Variants in TUBGCP6 observed in about 807,000 individuals in gnomAD.
The protein encoded by TUBGCP6 is gamma-tubulin complex component 6.
A neutral mutation model predicts 175.8 loss-of-function variants in TUBGCP6; 161 were observed. The ratio of observed to expected loss-of-function variants is 0.92; its 90% CI spans 0.81 to 1.04. The LOEUF is 1.04. TUBGCP6 is among the 50% of genes least tolerant of loss of function. The pLI, the probability that TUBGCP6 is intolerant of heterozygous loss-of-function variation, is 0.00. For missense variants in TUBGCP6, 2,572 were observed against 2,433.0 expected, an observed-to-expected ratio of 1.06 and a Z score of -1.20; for synonymous variants, 1,173 against 1,030.5, an observed-to-expected ratio of 1.14 and a Z score of -2.65.
intron 20 of TUBGCP6, 22 bp from the exon 21 acceptor site, chr22:50,218,919 GTCCCCA>G: frequency 8.1e-6 from 13 of 1,597,614 alleles, no homozygotes; most frequent in Non-Finnish European, 1.1e-5. Context: ...AGGGACCACC[GTCCCCA>G]GGAGTCCCAA....
rs556171182 is a variant in TUBGCP6 at position 50,231,779 on chromosome 22, G to C, written c.1116+1537C>G. Reference sequence around the variant, plus strand: ...GGAGGCTGAGGCAGGAGAATGGTGTGAACCCGGGAGGCGGAGCTTGGAGTG... The same window carrying C: ...GGAGGCTGAGGCAGGAGAATGGTGTCAACCCGGGAGGCGGAGCTTGGAGTG... On this transcript the variant is annotated intron_variant, in intron 3 of 24. Transcript: ENST00000248846. Among the ~76,000 whole-genome samples the C allele has an allele frequency of 3.3e-3, 493 of 148,382 alleles. 1 individual carries two copies. The highest frequency in any genetic ancestry group is 0.012 in the African/African-American group (481 of 40,148).
At chr22:50,219,859 A>G in intron 17 of TUBGCP6, 68 bp from the exon 18 acceptor site, 2 of 1,603,826 alleles carry the variant, frequency 1.2e-6, no homozygotes, top group Admixed American at 3.3e-5. Context: ...CTTGTGCCAA[A>G]AAAAGGAAAA....
At chr22:50,220,057 G>A (rs754173632) in intron 16 of TUBGCP6, 42 bp from the exon 17 acceptor site, 3 of 1,604,550 alleles carry the variant, frequency 1.9e-6, no homozygotes, top group Admixed American at 3.4e-5. Flanking sequence ...AGGGCCGAGT[G>A]CCTGTGGCGG....
At chr22:50,230,086 C>T (rs1483636915) in intron 3 of TUBGCP6, among the ~76,000 whole-genome samples, 5 of 152,026 alleles carry the variant, frequency 3.3e-5, no homozygotes, top group South Asian at 4.1e-4. Flanking sequence ...CAAATACCCA[C>T]GTTAGAAAGG....
rs1234280743 is a variant in TUBGCP6, at chr22:50,244,062, AAGT to A, written c.395_397del (p.Tyr132del). ...TCTCCCCACATGCTTGTTGTTAAGG[AAGT>A]AGTCTCGTTTTCTCGGCAGAACTTG... On this transcript the variant is annotated inframe_deletion, in exon 1 of 25. Transcript: ENST00000248846. 1.2e-6 allele frequency: 2 copies of A among 1,613,884 alleles called. No homozygotes were observed. Among genetic ancestry groups the A allele is most frequent in the East Asian group, 4.5e-5 (2 of 44,882 alleles).
Position 50,226,255 on chromosome 22 carries a change from G to A in TUBGCP6, c.1693+32C>T, listed in dbSNP as rs200313390. 2,549 of 1,613,950 alleles carry A rather than the reference G, an allele frequency of 1.6e-3. 7 individuals are homozygous for A. The highest frequency in any genetic ancestry group is 1.9e-3 in the Non-Finnish European group (2,214 of 1,179,992). The stretch of plus-strand genomic sequence containing the variant: ...GCCCTGAACCCAGGCCCACAGGCAC[G>A]GACCCCTGCCCCGCAATCAGCTGCC... On this transcript the variant is annotated intron_variant, in intron 8 of 24. Coordinates refer to ENST00000248846, the MANE Select transcript of TUBGCP6 (RefSeq NM_020461.4).
At position 50,224,326 on chromosome 22, in the gene TUBGCP6, A is replaced by G. The variant is rs752706564; in HGVS notation, c.2154+6T>C. The G allele has an allele frequency of 6.2e-7, 1 of 1,614,070 alleles. No homozygotes were observed. The highest frequency in any genetic ancestry group is 1.3e-5 in the African/African-American group (1 of 74,916). ...GCGTGACCCCGCAGGGACAGGTCCT[A>G]CCCACCTCCTGGTCCTTCACAAATT... On this transcript the variant is annotated splice_donor_region_variant and intron_variant, in intron 12 of 24. Transcript: ENST00000248846.
At position 50,218,170 on chromosome 22, in the gene TUBGCP6, G is replaced by C. The variant is rs1411663420; in HGVS notation, c.5168+19C>G. On this transcript the variant is annotated intron_variant, in intron 23 of 24. Transcript: ENST00000248846. The stretch of plus-strand genomic sequence containing the variant: ...GCTGAGCCGTGACCACAGGGACGCA[G>C]CCGCTGCCCAGGCCTCACCTGAAGA... 1.2e-6 allele frequency: 2 copies of C among 1,610,120 alleles called. No homozygotes were observed. The highest frequency in any genetic ancestry group is 4.5e-5 in the East Asian group (2 of 44,830).
rs1180127636 is a variant in TUBGCP6, at chr22:50,219,469, G to A, written c.4316-13C>T. ...ATGGGCGGCTCGGCTGCGGGAGATG[G>A]AGCACGCACGTGCTGGGAACCGGCC... On this transcript the variant is annotated splice_polypyrimidine_tract_variant and intron_variant, in intron 18 of 24. Transcript: ENST00000248846. 1.3e-6 allele frequency: 2 copies of A among 1,588,418 alleles called. No individual in the cohort carries two copies. Among genetic ancestry groups the A allele is most frequent in the South Asian group, 2.3e-5 (2 of 88,554 alleles).
intron 14 of TUBGCP6, 44 bp from the exon 15 acceptor site, chr22:50,222,146 G>T: frequency 2.5e-6 from 4 of 1,591,060 alleles, no homozygotes; most frequent in Non-Finnish European, 3.4e-6. Context: ...CCGGAGTCAA[G>T]CACAGCCCTA....
At chr22:50,232,082 G>A (rs1001314387) in intron 3 of TUBGCP6, among the ~76,000 whole-genome samples, 2 of 151,578 alleles carry the variant, frequency 1.3e-5, no homozygotes, top group African/African-American at 4.9e-5. Flanking sequence ...TTAGCTGGGT[G>A]GGCCGGGCGT....
Position 50,218,137 on chromosome 22 carries a change from C to T in TUBGCP6, c.5169-20G>A. ...AGGCCCCTGGGGGGAAGCAGTGCTGCTGGGTGGGCTGAGCCGTGACCACAG... is the reference window on the plus strand; with the variant it reads ...AGGCCCCTGGGGGGAAGCAGTGCTGTTGGGTGGGCTGAGCCGTGACCACAG... On this transcript the variant is annotated intron_variant, in intron 23 of 24. Transcript: ENST00000248846. 1.9e-6 allele frequency: 3 copies of T among 1,610,908 alleles called. No homozygotes were observed. Among genetic ancestry groups the T allele is most frequent in the Middle Eastern group, 1.7e-4 (1 of 6,058 alleles).
chr22:50,218,081 G>T lies in TUBGCP6; in HGVS notation c.5205C>A (p.Asn1735Lys), dbSNP rs377282869. 1 of 1,613,234 alleles carries T rather than the reference G, an allele frequency of 6.2e-7. No individual in the cohort carries two copies. Among genetic ancestry groups the T allele is most frequent in the Admixed American group, 1.7e-5 (1 of 60,026 alleles). Residue 1735 changes from asparagine to lysine, a missense_variant, in exon 24 of 25, where the codon AAC becomes AAA. Physicochemically the swap from Asn to Lys is moderately conservative, Grantham distance 94 (BLOSUM62 0). Transcript: ENST00000248846. ...LLTEKAAPVM[N>K]VIHSIFSLVL... is the part of the protein sequence containing the mutation. ...CGAGGCTGAAGATGCTGTGGATGAC[G>T]TTCATGACGGGCGCCGCCTTCTCCG...
Position 50,222,521 on chromosome 22 carries a change from C to A in TUBGCP6, c.2342G>T (p.Arg781Ile). Reference protein sequence around the residue: ...AARREQKALWRIQRHRLESAR... With the variant: ...AARREQKALWIIQRHRLESAR... ...ACTCTCCAGTCGGTGCCTCTGGATT[C>A]TCCACAGTGCCTTCTGCTCCCGACG... The change falls in exon 14 of 25, where the codon AGA becomes ATA. Residue 781 changes from arginine to isoleucine, a missense_variant. Physicochemically the swap from Arg to Ile is moderately conservative, Grantham distance 97 (BLOSUM62 -3). Coordinates refer to ENST00000248846, the MANE Select transcript of TUBGCP6 (RefSeq NM_020461.4). The A allele has an allele frequency of 6.2e-7, 1 of 1,613,818 alleles. No homozygotes were observed.
chr22:50,243,487 A>T (rs1215627532), intron 1 of TUBGCP6, among the ~76,000 whole-genome samples: 1 of 150,388 alleles, frequency 6.6e-6, no homozygotes, highest in South Asian at 2.1e-4. Context: ...GCGTGGTGGC[A>T]GGTGCCTGTA....
rs778863982 is a variant in TUBGCP6 at position 50,220,358 on chromosome 22, G to C, written c.4001C>G (p.Ser1334Trp). 4 of 1,532,062 alleles carry C rather than the reference G, an allele frequency of 2.6e-6. No individual in the cohort carries two copies. The African/African-American group carries it at 4.1e-5, about 16-fold the overall frequency. The allele number at this position is 1,532,062 out of a possible 1,614,324, so 94.9% of individuals were successfully genotyped here. ...EVGPSLSSPSSGCGEGSISVG... is the reference protein window; with the variant it reads ...EVGPSLSSPSWGCGEGSISVG... ...GCTGATGCTCCCCTCCCCGCAGCCCGAGCTGGGGGAGGACAGAGATGGCCC... is the reference window on the plus strand; with the variant it reads ...GCTGATGCTCCCCTCCCCGCAGCCCCAGCTGGGGGAGGACAGAGATGGCCC... The change falls in exon 16 of 25, where the codon TCG (serine) becomes TGG (tryptophan). Residue 1334 changes from serine to tryptophan, a missense_variant. Coordinates refer to ENST00000248846, the MANE Select transcript of TUBGCP6 (RefSeq NM_020461.4).
chr22:50,218,457 TGCGGGGCGCCGGGCTCCA>T lies in TUBGCP6; in HGVS notation c.4954+13_4954+30del, dbSNP rs1353674600. 1 of 1,612,584 alleles carries T rather than the reference TGCGGGGCGCCGGGCTCCA, an allele frequency of 6.2e-7. No homozygotes were observed. The highest frequency in any genetic ancestry group is 1.7e-5 in the Admixed American group (1 of 59,962). On this transcript the variant is annotated intron_variant, in intron 22 of 24. Coordinates refer to ENST00000248846, the MANE Select transcript of TUBGCP6 (RefSeq NM_020461.4). The stretch of plus-strand genomic sequence containing the variant: ...GGTGAGCGCAGCCTCCAGCCAGGGG[TGCGGGGCGCCGGGCTCCA>T]GCGGGGCCTCACCTGTGCGCTTGAG...
At chr22:50,226,410 G>A in intron 7 of TUBGCP6, 32 bp from the exon 8 acceptor site, 4 of 1,568,812 alleles carry the variant, frequency 2.5e-6, no homozygotes, top group Non-Finnish European at 3.5e-6. Context: ...GGTAGATGTG[G>A]TCAACGGAGA....
In TUBGCP6 at chr22:50,229,464, C is replaced by T. The variant is rs1052356735; in HGVS notation, c.1230G>A (p.Leu410=). 6.2e-7 allele frequency: 1 copy of T among 1,613,302 alleles called. No individual in the cohort carries two copies. Among genetic ancestry groups the T allele is most frequent in the Admixed American group, 1.7e-5 (1 of 59,958 alleles). ...GGACGGGCTGCAGAGAGAAATGACTCAGGCGCGTGTAGCAGGTCCCATACT... is the reference window on the plus strand; with the variant it reads ...GGACGGGCTGCAGAGAGAAATGACTTAGGCGCGTGTAGCAGGTCCCATACT... ...VAEYGTCYTR[L]SHFSLQPVLD... is the part of the protein sequence containing the mutation. Residue 410 remains leucine (L), a synonymous_variant, in exon 4 of 25, where the codon CTG becomes CTA. Coordinates refer to ENST00000248846, the MANE Select transcript of TUBGCP6 (RefSeq NM_020461.4).
Sources: allele counts gnomAD v4.1 joint callset (sites outside exome capture counted in the v4.1 genomes callset), GRCh38; gene constraint gnomAD v4.1.1; transcripts MANE v1.5; gene names NCBI Gene and HGNC (gene_info 2026-07-23, HGNC 2026-07-21).